The following CDH4 variants were observed in gnomAD, a reference collection of about 807,000 sequenced individuals.
CDH4 encodes the protein cadherin-4.
Under a neutral mutation model 86.0 loss-of-function variants are expected in CDH4, and 33 were observed. The ratio of observed to expected loss-of-function variants is 0.38; its 90% CI spans 0.29 to 0.51. CDH4 has a LOEUF of 0.51. Ranked by LOEUF, CDH4 falls within the 20% of genes least tolerant of loss-of-function variation. The probability of loss-of-function intolerance (pLI) is 0.86; values close to 1 mark genes in which losing one functional copy is unlikely to be tolerated. For missense variants in CDH4, 1,114 were observed against 1,307.4 expected, an observed-to-expected ratio of 0.85 and a Z score of 2.28; for synonymous variants, 555 against 549.4, an observed-to-expected ratio of 1.01 and a Z score of -0.14.
At chr20:61,310,364 G>A (rs767335117) in intron 2 of CDH4, among the ~76,000 whole-genome samples, 22 of 152,210 alleles carry the variant, frequency 1.4e-4, no homozygotes, top group Admixed American at 9.2e-4. Flanking sequence ...GACCAGTTTC[G>A]TGGAGGATAA....
At chr20:61,576,988 C>A (rs746827648) in intron 2 of CDH4, among the ~76,000 whole-genome samples, 8 of 152,238 alleles carry the variant, frequency 5.3e-5, no homozygotes, top group African/African-American at 7.2e-5. Context: ...AACAAGGGAA[C>A]CCCAGCTGAT....
intron 2 of CDH4, among the ~76,000 whole-genome samples, chr20:61,394,147 C>G (rs1458108941): frequency 6.6e-6 from 1 of 152,156 alleles, no homozygotes; most frequent in East Asian, 1.9e-4. Flanking sequence ...GTCTCAGGTT[C>G]AGCCAGTCAT....
intron 8 of CDH4, among the ~76,000 whole-genome samples, chr20:61,898,598 A>T (rs1985239851): frequency 6.6e-6 from 1 of 152,034 alleles, no homozygotes; most frequent in Non-Finnish European, 1.5e-5. Flanking sequence ...CCCCCACCCC[A>T]TCCACACACA....
chr20:61,379,719 G>A (rs754797703), intron 2 of CDH4, among the ~76,000 whole-genome samples: 1 of 152,152 alleles, frequency 6.6e-6, no homozygotes, highest in Non-Finnish European at 1.5e-5. Context: ...TAGAAAAATG[G>A]CCAGGACATT....
chr20:61,841,385 G>A (rs1982164340), intron 4 of CDH4, among the ~76,000 whole-genome samples: 1 of 152,230 alleles, frequency 6.6e-6, no homozygotes, highest in Non-Finnish European at 1.5e-5. Flanking sequence ...GTGACAGGGA[G>A]AGGGGCTCCT....
chr20:61,298,222 T>TGACTCAGTC (rs1430920270), intron 2 of CDH4, among the ~76,000 whole-genome samples: 1 of 152,204 alleles, frequency 6.6e-6, no homozygotes, highest in Non-Finnish European at 1.5e-5. Flanking sequence ...ACCAGCACGA[T>TGACTCAGTC]GACTCAGTCC....
At chr20:61,647,801 G>A (rs571413412) in intron 2 of CDH4, among the ~76,000 whole-genome samples, 3 of 152,262 alleles carry the variant, frequency 2.0e-5, no homozygotes, top group African/African-American at 7.2e-5. Context: ...ATGGGTGTTT[G>A]CTTAGGACAG....
chr20:61,726,001 CT>C (rs2088106576), intron 2 of CDH4, among the ~76,000 whole-genome samples: 1 of 152,216 alleles, frequency 6.6e-6, no homozygotes, highest in Non-Finnish European at 1.5e-5. Flanking sequence ...GCTCCAACAT[CT>C]TTCTCACCAC....
At chr20:61,605,641 CTCTCTGTCTCTA>C (rs971239910) in intron 2 of CDH4, among the ~76,000 whole-genome samples, 52 of 152,054 alleles carry the variant, frequency 3.4e-4, no homozygotes, top group Admixed American at 6.5e-4. Flanking sequence ...GTCTCTCCCT[CTCTCTGTCTCTA>C]TCTCTGTCTT....
intron 2 of CDH4, among the ~76,000 whole-genome samples, chr20:61,297,405 A>T (rs908536237): frequency 4.6e-5 from 7 of 152,214 alleles, no homozygotes; most frequent in African/African-American, 1.7e-4. Context: ...ACAGAAAAAA[A>T]AAGTGTGGAA....
chr20:61,270,112 G>A lies in CDH4; in HGVS notation c.169+15175G>A, dbSNP rs527766327. Among the ~76,000 whole-genome samples the A allele has an allele frequency of 9.8e-5, 15 of 152,330 alleles. No homozygotes were observed. In the South Asian group the frequency reaches 2.9e-3, roughly 29 times the overall value. ...TGGCAAAAGGCAGGCTTTAAAAATT[G>A]AATAAATAAATTATGGAGAATGGCT... On this transcript the variant is annotated intron_variant, in intron 2 of 15. Transcript: ENST00000614565.
At chr20:61,758,525 G>A (rs2088593070) in intron 3 of CDH4, among the ~76,000 whole-genome samples, 1 of 152,156 alleles carries the variant, frequency 6.6e-6, no homozygotes, top group Non-Finnish European at 1.5e-5. Flanking sequence ...CACTGAGAGA[G>A]AGCCCCGGGG....
chr20:61,477,805 ACCT>A (rs1158766568), intron 2 of CDH4, among the ~76,000 whole-genome samples: 1 of 151,974 alleles, frequency 6.6e-6, no homozygotes, highest in Admixed American at 6.5e-5. Context: ...AGGGAGAATG[ACCT>A]CCTCTTGGAA....
intron 3 of CDH4, among the ~76,000 whole-genome samples, chr20:61,753,700 A>C (rs1449852282): frequency 6.6e-6 from 1 of 152,196 alleles, no homozygotes; most frequent in Non-Finnish European, 1.5e-5. Flanking sequence ...GCAAAAAAAG[A>C]AACTGTTGTT....
chr20:61,507,169 A>T (rs528563838), intron 2 of CDH4, among the ~76,000 whole-genome samples: 22 of 152,356 alleles, frequency 1.4e-4, no homozygotes, highest in African/African-American at 4.8e-4. Context: ...AAATACACAT[A>T]TACACAACAG....
chr20:61,740,136 T>C (rs2088315914), intron 2 of CDH4, among the ~76,000 whole-genome samples: 1 of 152,216 alleles, frequency 6.6e-6, no homozygotes, highest in Non-Finnish European at 1.5e-5. Flanking sequence ...TGGAACGTGC[T>C]GAGGTTAGTA....
chr20:61,463,413 G>T (rs547164356), intron 2 of CDH4, among the ~76,000 whole-genome samples: 1 of 152,286 alleles, frequency 6.6e-6, no homozygotes, highest in East Asian at 1.9e-4. Context: ...GTGAGGTGAG[G>T]CCCCATGTAC....
At chr20:61,569,627 A>G (rs2086327081) in intron 2 of CDH4, among the ~76,000 whole-genome samples, 2 of 152,212 alleles carry the variant, frequency 1.3e-5, no homozygotes, top group South Asian at 2.1e-4. Context: ...AAATGTACCA[A>G]TGATACGAGA....
At chr20:61,440,428 C>T (rs748382147) in intron 2 of CDH4, among the ~76,000 whole-genome samples, 3 of 152,310 alleles carry the variant, frequency 2.0e-5, no homozygotes, top group Non-Finnish European at 2.9e-5. Flanking sequence ...TCAAGTAGGA[C>T]GCAGTCACTG....
Sources: allele counts gnomAD v4.1 joint callset (sites outside exome capture counted in the v4.1 genomes callset), GRCh38; gene constraint gnomAD v4.1.1; transcripts MANE v1.5; gene names NCBI Gene and HGNC (gene_info 2026-07-23, HGNC 2026-07-21).